The following DLGAP2 variants were observed in gnomAD, a reference collection of about 807,000 sequenced individuals.
DLGAP2 encodes the protein DLG associated protein 2, also known as disks large-associated protein 2.
In DLGAP2, 26 loss-of-function variants were observed where a neutral mutation model predicts 100.3. That is an observed-to-expected ratio of 0.26 (90% confidence interval 0.19 to 0.36). The LOEUF is 0.36. Among genes scored for constraint, DLGAP2 ranks in the 10% least tolerant of loss-of-function variants. The pLI, the probability that DLGAP2 is intolerant of heterozygous loss-of-function variation, is 1.00. For synonymous variants in DLGAP2, 886 were observed against 630.1 expected (o/e 1.41, Z -6.08); for missense variants, 1,858 against 1,453.2 (o/e 1.28, Z -4.53).
At chr8:1,313,927 A>G (rs1421138172) in intron 3 of DLGAP2, among the ~76,000 whole-genome samples, 1 of 152,176 alleles carries the variant, frequency 6.6e-6, no homozygotes, top group African/African-American at 2.4e-5. Context: ...GTAGCTTTCC[A>G]CACAAAATGA....
chr8:1,475,395 C>G (rs1798903012), intron 3 of DLGAP2, among the ~76,000 whole-genome samples: 1 of 152,186 alleles, frequency 6.6e-6, no homozygotes. Flanking sequence ...ATGGAGCAGC[C>G]TGATACCTTT....
chr8:1,585,751 A>G (rs1286540737), intron 6 of DLGAP2, among the ~76,000 whole-genome samples: 2 of 152,144 alleles, frequency 1.3e-5, no homozygotes, highest in Non-Finnish European at 2.9e-5. Context: ...CAGCCTCTCC[A>G]TACACTCGCA....
At chr8:1,585,562 C>A (rs1230516214) in intron 6 of DLGAP2, among the ~76,000 whole-genome samples, 1 of 152,228 alleles carries the variant, frequency 6.6e-6, no homozygotes, top group Non-Finnish European at 1.5e-5. Flanking sequence ...AACACATAAT[C>A]CACAGACCAC....
intron 2 of DLGAP2, among the ~76,000 whole-genome samples, chr8:976,416 C>T (rs186379400): frequency 9.9e-5 from 15 of 152,180 alleles, no homozygotes; most frequent in African/African-American, 3.1e-4. Context: ...TCGAGACCAT[C>T]CTGGCCAACA....
At chr8:1,590,063 G>A (rs531905078) in intron 6 of DLGAP2, among the ~76,000 whole-genome samples, 1 of 152,192 alleles carries the variant, frequency 6.6e-6, no homozygotes, top group African/African-American at 2.4e-5. Context: ...TTCCGCCTCA[G>A]TGTCCGTGGC....
intron 2 of DLGAP2, among the ~76,000 whole-genome samples, chr8:1,189,361 C>A (rs1185090396): frequency 6.6e-6 from 1 of 152,232 alleles, no homozygotes; most frequent in African/African-American, 2.4e-5. Context: ...GAAGATAGGT[C>A]AACCTGGTCC....
At chr8:1,055,977 G>C (rs188886259) in intron 2 of DLGAP2, among the ~76,000 whole-genome samples, 3 of 152,298 alleles carry the variant, frequency 2.0e-5, no homozygotes, top group East Asian at 1.9e-4. Flanking sequence ...GTGTGCCCTG[G>C]GGGGTGTTGA....
intron 2 of DLGAP2, among the ~76,000 whole-genome samples, chr8:1,001,501 G>T (rs1280101718): frequency 3.3e-5 from 5 of 152,088 alleles, no homozygotes; most frequent in Non-Finnish European, 5.9e-5. Flanking sequence ...AAATGCTTTT[G>T]ATTATAAAAC....
chr8:1,135,503 G>GGTTTTTTTTTTTTTTT (rs1554490362), intron 2 of DLGAP2, among the ~76,000 whole-genome samples: 1 of 92,196 alleles, frequency 1.1e-5, no homozygotes, highest in Non-Finnish European at 2.0e-5. Context: ...TTTTTTGTGG[G>GGTTTTTTTTTTTTTTT]TTTTTTTTTT....
chr8:1,387,537 G>A lies in DLGAP2; in HGVS notation c.107-113829G>A, dbSNP rs116022139. Among the ~76,000 whole-genome samples the A allele has an allele frequency of 9.2e-3, 1,395 of 152,184 alleles. 23 individuals carry two copies. Among genetic ancestry groups the A allele is most frequent in the African/African-American group, 0.032 (1,316 of 41,516 alleles). ...AGAAGGACGGTGGTCGTGGTTGCACGGCAGTGAGTGTATCTGACGCCACTG... is the reference window on the plus strand; with the variant it reads ...AGAAGGACGGTGGTCGTGGTTGCACAGCAGTGAGTGTATCTGACGCCACTG... On this transcript the variant is annotated intron_variant, in intron 3 of 14. Coordinates refer to ENST00000637795, the MANE Select transcript of DLGAP2 (RefSeq NM_001346810.2).
intron 2 of DLGAP2, among the ~76,000 whole-genome samples, chr8:1,193,178 G>C (rs1284669697): frequency 6.6e-6 from 1 of 152,120 alleles, no homozygotes; most frequent in Non-Finnish European, 1.5e-5. Context: ...AATCCTTTGG[G>C]TATATAACCG....
chr8:1,515,998 A>T (rs1800359117), intron 4 of DLGAP2, among the ~76,000 whole-genome samples: 1 of 139,238 alleles, frequency 7.2e-6, no homozygotes, highest in Admixed American at 7.6e-5. Context: ...TTACTGAGTG[A>T]GAATGAGTGA....
rs566173406 is a variant in DLGAP2, at chr8:1,572,673, G to T, written c.1442+6779G>T. Among the ~76,000 whole-genome samples, 114 of 124,634 alleles carry T rather than the reference G, an allele frequency of 9.1e-4. 1 individual carries two copies. Among genetic ancestry groups the T allele is most frequent in the African/African-American group, 3.2e-3 (102 of 32,128 alleles). The allele number at this position is 124,634 out of a possible 152,430, so 81.8% of individuals were successfully genotyped here. On this transcript the variant is annotated intron_variant, in intron 6 of 14. Transcript: ENST00000637795. The stretch of plus-strand genomic sequence containing the variant: ...GGTGAACTGGAGGGGCATCTTCTGG[G>T]ATGGAGAGGAGAGAGGGTGGACTGT...
chr8:1,010,340 T>G (rs1274015903), intron 2 of DLGAP2, among the ~76,000 whole-genome samples: 1 of 151,948 alleles, frequency 6.6e-6, no homozygotes, highest in Non-Finnish European at 1.5e-5. Flanking sequence ...TGCCCACATA[T>G]GCACACACAT....
Position 1,254,916 on chromosome 8 carries a change from A to AGGTGCTGTGTGTGTGCCCTCTCCTGCCCG in DLGAP2, c.74-3919_74-3891dup, listed in dbSNP as rs1563043030. 7.4e-5 allele frequency among the ~76,000 whole-genome samples: 7 copies of AGGTGCTGTGTGTGTGCCCTCTCCTGCCCG among 94,788 alleles called. 1 individual carries two copies. The highest frequency in any genetic ancestry group is 2.5e-4 in the African/African-American group (4 of 16,236). 62.2% of individuals were successfully genotyped at this position (94,788 alleles called of 152,430 possible). A position where few individuals can be genotyped will look rare whatever the true frequency, so the allele number is the denominator to read the frequency against. On this transcript the variant is annotated intron_variant, in intron 2 of 14. Transcript: ENST00000637795. ...GCTGTGTCTGTGCTCTCTCCTGCCC[A>AGGTGCTGTGTGTGTGCCCTCTCCTGCCCG]GGTGCTGTGTGTGTGCCCTCTCCTG...
chr8:1,374,835 A>C (rs1021070100), intron 3 of DLGAP2, among the ~76,000 whole-genome samples: 1 of 152,178 alleles, frequency 6.6e-6, no homozygotes, highest in African/African-American at 2.4e-5. Context: ...TCAGGAAAGC[A>C]ACTGTGCGTG....
intron 1 of DLGAP2, among the ~76,000 whole-genome samples, chr8:763,086 G>A (rs1483508203): frequency 6.6e-6 from 1 of 152,016 alleles, no homozygotes; most frequent in East Asian, 1.9e-4. Flanking sequence ...AAGGGAAGAC[G>A]ACTAGTTTAG....
chr8:1,566,047 AT>A lies in DLGAP2; in HGVS notation c.1442+160del, dbSNP rs372181339. The stretch of plus-strand genomic sequence containing the variant: ...GACCCATGGCTGTCAATTTTCAAGT[AT>A]TTTTTTAAAGAACAACCAGAGCTTT... On this transcript the variant is annotated intron_variant, in intron 6 of 14. Transcript: ENST00000637795. 6.7e-3 allele frequency among the ~76,000 whole-genome samples: 1,026 copies of A among 152,296 alleles called. 16 individuals carry two copies. Among genetic ancestry groups the A allele is most frequent in the African/African-American group, 0.024 (979 of 41,562 alleles).
chr8:1,311,622 T>G (rs1305409130), intron 3 of DLGAP2, among the ~76,000 whole-genome samples: 1 of 152,230 alleles, frequency 6.6e-6, no homozygotes, highest in African/African-American at 2.4e-5. Flanking sequence ...GTGGTTCAGT[T>G]TAAGAAAATT....
Sources: gnomAD v4.1 joint callset for allele counts (sites outside exome capture counted in the v4.1 genomes callset) on GRCh38, gnomAD v4.1.1 for gene constraint, MANE v1.5 for transcripts, NCBI Gene and HGNC (gene_info 2026-07-23, HGNC 2026-07-21) for gene names.